The following CSNK1G1 variants were observed in gnomAD, a reference collection of about 807,000 sequenced individuals.
CSNK1G1 encodes casein kinase I isoform gamma-1.
CSNK1G1 carries 22 observed loss-of-function variants against 59.6 expected under a neutral mutation model. The ratio of observed to expected loss-of-function variants is 0.37; its 90% CI spans 0.26 to 0.53. CSNK1G1 has a LOEUF of 0.53. CSNK1G1 is among the 20% of genes least tolerant of loss of function. The pLI is 0.89. For synonymous variants in CSNK1G1, 179 were observed against 177.1 expected, an observed-to-expected ratio of 1.01 and a Z score of -0.08; for missense variants, 384 against 519.5, an observed-to-expected ratio of 0.74 and a Z score of 2.54.
At chr15:64,299,873 C>G (rs919043375) in intron 2 of CSNK1G1, among the ~76,000 whole-genome samples, 1 of 152,006 alleles carries the variant, frequency 6.6e-6, no homozygotes, top group African/African-American at 2.4e-5. Flanking sequence ...GCAGACTAAG[C>G]CTGGGTATTA....
Position 64,166,103 on chromosome 15 carries a change from A to G in CSNK1G1, c.*5828T>C. 1.6e-6 allele frequency: 1 copy of G among 615,672 alleles called. No individual in the cohort carries two copies. Among genetic ancestry groups the G allele is most frequent in the Non-Finnish European group, 2.9e-6 (1 of 348,164 alleles). The allele number at this position is 615,672 out of a possible 1,614,324, so 38.1% of individuals were successfully genotyped here. A position where few individuals can be genotyped will look rare whatever the true frequency, so the allele number is the denominator to read the frequency against. The stretch of plus-strand genomic sequence containing the variant: ...CATCTAAAAAAAAAAAAAGTAAAAA[A>G]AGAGGCATTTAACAATAATCAGACA... On this transcript the variant is annotated 3_prime_UTR_variant, in exon 12 of 12. Transcript: ENST00000303052. This position sits in a 1 kb window ranked among gnomAD's most constrained non-coding sequence, Gnocchi z 4.5.
intron 4 of CSNK1G1, among the ~76,000 whole-genome samples, chr15:64,242,977 C>T (rs754532825): frequency 6.6e-6 from 1 of 151,892 alleles, no homozygotes; most frequent in Non-Finnish European, 1.5e-5. Context: ...TGGACAAAAC[C>T]GTATGATCAT....
chr15:64,180,334 A>C lies in CSNK1G1; in HGVS notation c.1214+14T>G. 1 of 1,602,798 alleles carries C rather than the reference A, an allele frequency of 6.2e-7. No homozygotes were observed. The highest frequency in any genetic ancestry group is 8.5e-7 in the Non-Finnish European group (1 of 1,169,642). ...AACCCATGACTTAAGAGCCCCCTTG[A>C]AAGATGTACGTACTTAGCTTCCTCC... is the stretch of plus-strand genomic sequence containing the variant. On this transcript the variant is annotated intron_variant, in intron 11 of 11. Coordinates refer to ENST00000303052, the MANE Select transcript of CSNK1G1 (RefSeq NM_022048.5).
chr15:64,329,426 T>C (rs1220687834), intron 1 of CSNK1G1, among the ~76,000 whole-genome samples: 2 of 142,318 alleles, frequency 1.4e-5, no homozygotes, highest in Non-Finnish European at 3.1e-5. Flanking sequence ...GAATGACTAC[T>C]GGGTACATAA....
At chr15:64,305,695 C>CAA (rs1197333533) in intron 1 of CSNK1G1, among the ~76,000 whole-genome samples, 1 of 56,654 alleles carries the variant, frequency 1.8e-5, no homozygotes, top group Non-Finnish European at 3.5e-5. Context: ...ACCCTGTCTC[C>CAA]AAAAAAAAAA....
chr15:64,227,368 T>C (rs2082476781), intron 4 of CSNK1G1, among the ~76,000 whole-genome samples: 1 of 152,234 alleles, frequency 6.6e-6, no homozygotes, highest in Admixed American at 6.5e-5. Flanking sequence ...TCTTCCATGA[T>C]GATTGTAAAT....
At chr15:64,184,902 A>C (rs576828859) in intron 10 of CSNK1G1, among the ~76,000 whole-genome samples, 1 of 152,282 alleles carries the variant, frequency 6.6e-6, no homozygotes, top group Admixed American at 6.5e-5. Flanking sequence ...TTCATTTCTC[A>C]AAATGTCACT....
intron 1 of CSNK1G1, among the ~76,000 whole-genome samples, chr15:64,321,339 T>C (rs113338487): frequency 0.014 from 2,071 of 151,632 alleles, 10 homozygotes; most frequent in Non-Finnish European, 0.02. Context: ...CACTGGAGCT[T>C]CAACCTCCTG....
intron 10 of CSNK1G1, among the ~76,000 whole-genome samples, chr15:64,196,584 T>C (rs900768255): frequency 5.2e-4 from 79 of 152,084 alleles, no homozygotes; most frequent in African/African-American, 1.8e-3. Context: ...CCCAAGTAGC[T>C]GGGATTACAG....
At chr15:64,183,796 C>T (rs1270916051) in intron 10 of CSNK1G1, among the ~76,000 whole-genome samples, 3 of 149,296 alleles carry the variant, frequency 2.0e-5, no homozygotes, top group East Asian at 2.0e-4. Flanking sequence ...AGTGCAGTGG[C>T]GTGATCTTGG....
chr15:64,295,550 C>T (rs933405667), intron 2 of CSNK1G1, among the ~76,000 whole-genome samples: 1 of 152,190 alleles, frequency 6.6e-6, no homozygotes, highest in Non-Finnish European at 1.5e-5. Flanking sequence ...CTGGACAATT[C>T]AGCCTTTCTT....
intron 2 of CSNK1G1, among the ~76,000 whole-genome samples, chr15:64,276,786 A>G (rs1249593135): frequency 2.6e-5 from 4 of 152,050 alleles, no homozygotes; most frequent in Non-Finnish European, 5.9e-5. Context: ...TCTAATAAAA[A>G]ATACAAAAAA....
chr15:64,311,759 A>C (rs1316641846), intron 1 of CSNK1G1, among the ~76,000 whole-genome samples: 1 of 151,148 alleles, frequency 6.6e-6, no homozygotes, highest in African/African-American at 2.4e-5. Flanking sequence ...GCATGCATGT[A>C]ATCCCAGCTA....
At position 64,319,208 on chromosome 15, in the gene CSNK1G1, T is replaced by C. The variant is rs139732653; in HGVS notation, c.-224-18485A>G. Among the ~76,000 whole-genome samples the C allele has an allele frequency of 2.0e-5, 3 of 152,294 alleles. No individual in the cohort carries two copies. In the East Asian group the frequency reaches 5.8e-4, roughly 29 times the overall value. ...CAGAGAACTATTTACTTTGGACAAATGTTTCTAATGAGGTTCAAATTTACT... is the reference window on the plus strand; with the variant it reads ...CAGAGAACTATTTACTTTGGACAAACGTTTCTAATGAGGTTCAAATTTACT... On this transcript the variant is annotated intron_variant, in intron 1 of 11. Coordinates refer to ENST00000303052, the MANE Select transcript of CSNK1G1 (RefSeq NM_022048.5).
chr15:64,340,836 G>A (rs1264899596), intron 1 of CSNK1G1, among the ~76,000 whole-genome samples: 1 of 152,058 alleles, frequency 6.6e-6, no homozygotes, highest in Non-Finnish European at 1.5e-5. Context: ...GTGTGCCTGT[G>A]GTCTCAGCTA....
intron 1 of CSNK1G1, among the ~76,000 whole-genome samples, chr15:64,336,726 C>T (rs1256167723): frequency 6.6e-6 from 1 of 152,108 alleles, no homozygotes; most frequent in Admixed American, 6.5e-5. Context: ...AGGAAGTTTA[C>T]AGGTTAGTAA....
At chr15:64,248,845 G>A (rs1283251166) in intron 4 of CSNK1G1, among the ~76,000 whole-genome samples, 2 of 151,980 alleles carry the variant, frequency 1.3e-5, no homozygotes, top group South Asian at 2.1e-4. Flanking sequence ...AATTGGCCAG[G>A]CGTGGTGGCT....
intron 11 of CSNK1G1, among the ~76,000 whole-genome samples, chr15:64,178,905 C>T (rs376304705): frequency 6.6e-6 from 1 of 152,040 alleles, no homozygotes; most frequent in East Asian, 2.0e-4. Context: ...TGCATACCAC[C>T]ATGCCCAGCT....
chr15:64,334,485 C>G (rs1435220023), intron 1 of CSNK1G1, among the ~76,000 whole-genome samples: 1 of 152,124 alleles, frequency 6.6e-6, no homozygotes, highest in Non-Finnish European at 1.5e-5. Flanking sequence ...TTACATTGTA[C>G]TATGCAATGA....
Sources: allele counts gnomAD v4.1 joint callset (sites outside exome capture counted in the v4.1 genomes callset), GRCh38; gene constraint gnomAD v4.1.1; non-coding constraint Gnocchi (gnomAD v3.1); transcripts MANE v1.5; gene names NCBI Gene and HGNC (gene_info 2026-07-23, HGNC 2026-07-21).